The following RGS7 variants were observed in gnomAD, a reference collection of about 807,000 sequenced individuals.
The protein encoded by RGS7 is regulator of G-protein signaling 7.
RGS7 carries 27 observed loss-of-function variants against 81.1 expected under a neutral mutation model. The observed-to-expected ratio is 0.33, with a 90% confidence interval of 0.25 to 0.46. The LOEUF (loss-of-function observed/expected upper bound fraction) is 0.46, where lower values mean the gene tolerates loss of function less well. Among genes scored for constraint, RGS7 ranks in the 20% least tolerant of loss-of-function variants. The probability of loss-of-function intolerance (pLI) is 1.00; values close to 1 mark genes in which losing one functional copy is unlikely to be tolerated. For synonymous variants in RGS7, 208 were observed against 207.7 expected (o/e 1.00, Z -0.01); for missense variants, 396 against 607.4 (o/e 0.65, Z 3.66).
intron 2 of RGS7, among the ~76,000 whole-genome samples, chr1:241,101,819 C>T (rs1041508573): frequency 1.3e-5 from 2 of 152,160 alleles, no homozygotes; most frequent in African/African-American, 4.8e-5. Flanking sequence ...GACATGGAAA[C>T]CTCTCTGACT....
chr1:241,246,313 G>A (rs1442345065), intron 2 of RGS7, among the ~76,000 whole-genome samples: 1 of 152,080 alleles, frequency 6.6e-6, no homozygotes, highest in Non-Finnish European at 1.5e-5. Context: ...AAATCTATCT[G>A]TCTTTTTCCA....
intron 5 of RGS7, among the ~76,000 whole-genome samples, chr1:240,934,233 C>T (rs982575557): frequency 3.2e-4 from 48 of 152,266 alleles, no homozygotes; most frequent in Non-Finnish European, 4.4e-5. Flanking sequence ...GTGCTGGGAT[C>T]ACAGGCGTGA....
At chr1:241,067,560 C>G (rs1045059034) in intron 3 of RGS7, among the ~76,000 whole-genome samples, 1 of 149,896 alleles carries the variant, frequency 6.7e-6, no homozygotes, top group Non-Finnish European at 1.5e-5. Flanking sequence ...CAATCTGTTG[C>G]CCAGGCTGGA....
chr1:241,072,087 T>C lies in RGS7; in HGVS notation c.175+26579A>G, dbSNP rs1318711845. Reference sequence around the variant, plus strand: ...TCATTACAGACCAACCACCAAGTGATCTAACTGGTACATATACCTTGAAAG... The same window carrying C: ...TCATTACAGACCAACCACCAAGTGACCTAACTGGTACATATACCTTGAAAG... On this transcript the variant is annotated intron_variant, in intron 3 of 18. Transcript: ENST00000440928. Among the ~76,000 whole-genome samples, 3 of 152,090 alleles carry C rather than the reference T, an allele frequency of 2.0e-5. No individual in the cohort carries two copies. The East Asian group carries it at 5.8e-4, about 29-fold the overall frequency.
intron 3 of RGS7, chr1:240,998,430 A>G (rs759014090): frequency 3.0e-5 from 21 of 697,774 alleles, no homozygotes; most frequent in Non-Finnish European, 4.9e-5. Flanking sequence ...TTTATTGAAC[A>G]CATTATAAAA....
chr1:241,068,455 G>A (rs1397099593), intron 3 of RGS7, among the ~76,000 whole-genome samples: 1 of 151,480 alleles, frequency 6.6e-6, no homozygotes, highest in Non-Finnish European at 1.5e-5. Flanking sequence ...AGGTACTACA[G>A]TAATACATTA....
At chr1:241,113,932 T>C (rs1283058760) in intron 2 of RGS7, among the ~76,000 whole-genome samples, 1 of 152,230 alleles carries the variant, frequency 6.6e-6, no homozygotes, top group Admixed American at 6.5e-5. Context: ...TATTACATTA[T>C]AGTCATATGT....
chr1:240,827,299 T>A, intron 9 of RGS7, 127 bp from the exon 10 acceptor site: 1 of 764,098 alleles, frequency 1.3e-6, no homozygotes, highest in Non-Finnish European at 2.3e-6. Context: ...AGGGAGGTGT[T>A]TTCTAGATGG....
At chr1:241,248,293 TTA>T (rs941504248) in intron 2 of RGS7, among the ~76,000 whole-genome samples, 15 of 150,524 alleles carry the variant, frequency 1.0e-4, no homozygotes, top group African/African-American at 3.6e-4. Context: ...CTGTGCATCT[TTA>T]TATTTAAATT....
rs151038487 is a variant in RGS7 at position 241,240,579 on chromosome 1, A to G, written c.78+115120T>C. On this transcript the variant is annotated intron_variant, in intron 2 of 18. Coordinates refer to ENST00000440928, the MANE Select transcript of RGS7 (RefSeq NM_001364886.1). ...GTAAAAGAGTAAACCTCATAGAAAC[A>G]TGAGGCTGCCCAATGCATGTGTACA... is the stretch of plus-strand genomic sequence containing the variant. 6.6e-5 allele frequency among the ~76,000 whole-genome samples: 10 copies of G among 152,320 alleles called. No homozygotes were observed. In the East Asian group the frequency reaches 1.9e-3, roughly 29 times the overall value.
At chr1:241,259,645 C>T (rs1271049675) in intron 2 of RGS7, among the ~76,000 whole-genome samples, 3 of 24,594 alleles carry the variant, frequency 1.2e-4, no homozygotes, top group East Asian at 2.2e-3. Context: ...AGCGAAACTC[C>T]GTCTCAAAAA....
At chr1:240,886,006 T>A (rs893773068) in intron 6 of RGS7, among the ~76,000 whole-genome samples, 6 of 152,202 alleles carry the variant, frequency 3.9e-5, no homozygotes, top group African/African-American at 1.4e-4. Context: ...ATTTGCTCTT[T>A]TGCTTATCGT....
At chr1:241,122,400 T>A (rs1190748006) in intron 2 of RGS7, among the ~76,000 whole-genome samples, 2 of 152,158 alleles carry the variant, frequency 1.3e-5, no homozygotes. Flanking sequence ...TGGTGTCTGA[T>A]GCCTGTAATC....
rs1553331367 is a variant in RGS7 at position 240,868,117 on chromosome 1, G to GGAAAGAAAGA, written c.609+460_609+469dup. Among the ~76,000 whole-genome samples the GGAAAGAAAGA allele has an allele frequency of 1.8e-4, 22 of 122,444 alleles. No homozygotes were observed. Among genetic ancestry groups the GGAAAGAAAGA allele is most frequent in the Non-Finnish European group, 3.0e-4 (19 of 62,724 alleles). 80.3% of individuals were successfully genotyped at this position (122,444 alleles called of 152,430 possible). On this transcript the variant is annotated intron_variant, in intron 9 of 18. Transcript: ENST00000440928. The surrounding 1 kb of genome is among the most constrained non-coding windows in gnomAD (Gnocchi z 5.1). ...GAAAAGAAAAAGAAAGAAAAGAAAA[G>GGAAAGAAAGA]GAAAGAAAGAAAGAAAGAAAGAAAG...
chr1:240,989,850 G>A (rs1192809451), intron 3 of RGS7, among the ~76,000 whole-genome samples: 5 of 152,122 alleles, frequency 3.3e-5, no homozygotes, highest in Non-Finnish European at 5.9e-5. Flanking sequence ...TTGCAAAAAG[G>A]TACCCAGAAC....
chr1:241,295,649 G>T (rs2079380274), intron 2 of RGS7, among the ~76,000 whole-genome samples: 1 of 152,116 alleles, frequency 6.6e-6, no homozygotes, highest in African/African-American at 2.4e-5. Context: ...CATGTTTAGG[G>T]GCAGAGATTT....
intron 3 of RGS7, among the ~76,000 whole-genome samples, chr1:241,062,800 G>C (rs943496584): frequency 6.6e-6 from 1 of 152,154 alleles, no homozygotes; most frequent in African/African-American, 2.4e-5. Context: ...ACACCGTAGA[G>C]TATAGCCCTG....
intron 3 of RGS7, among the ~76,000 whole-genome samples, chr1:241,033,039 A>C (rs1389165644): frequency 6.6e-6 from 1 of 152,128 alleles, no homozygotes; most frequent in Non-Finnish European, 1.5e-5. Context: ...TTCTTACGGA[A>C]AAGTGGAAGT....
chr1:241,258,791 T>C (rs961453200), intron 2 of RGS7, among the ~76,000 whole-genome samples: 23 of 152,214 alleles, frequency 1.5e-4, no homozygotes, highest in African/African-American at 4.1e-4. Flanking sequence ...GATGGTCTTC[T>C]ACGGGAGGCA....
Sources: allele counts gnomAD v4.1 joint callset (sites outside exome capture counted in the v4.1 genomes callset), GRCh38; gene constraint gnomAD v4.1.1; non-coding constraint Gnocchi (gnomAD v3.1); transcripts MANE v1.5; gene names NCBI Gene and HGNC (gene_info 2026-07-23, HGNC 2026-07-21).